The following TEX36 variants were observed in gnomAD, a reference collection of about 807,000 sequenced individuals.
The protein encoded by TEX36 is testis-expressed protein 36.
TEX36 carries 12 observed loss-of-function variants against 13.6 expected under a neutral mutation model. The observed-to-expected ratio is 0.88, with a 90% confidence interval of 0.56 to 1.43. TEX36 has a LOEUF of 1.43. Ranked by LOEUF, TEX36 falls within the 40% of genes most tolerant of loss-of-function variation. The probability of loss-of-function intolerance (pLI) is 0.00; values close to 1 mark genes in which losing one functional copy is unlikely to be tolerated. For synonymous variants in TEX36, 93 were observed against 83.0 expected, an observed-to-expected ratio of 1.12 and a Z score of -0.65; for missense variants, 224 against 228.3, an observed-to-expected ratio of 0.98 and a Z score of 0.12.
intron 1 of TEX36, chr10:125,668,063 A>G: frequency 1.6e-6 from 1 of 631,174 alleles, no homozygotes; most frequent in South Asian, 1.9e-5. Context: ...ATCTCCTAAA[A>G]TAACTGAGAG....
downstream of TEX36, among the ~76,000 whole-genome samples, chr10:125,618,160 G>A (rs1846382232): frequency 2.0e-5 from 3 of 151,986 alleles, no homozygotes; most frequent in Non-Finnish European, 2.9e-5. Flanking sequence ...GCACTTCTCT[G>A]TATTGGTTAT....
At chr10:125,674,434 C>T (rs180759448) in intron 1 of TEX36, among the ~76,000 whole-genome samples, 1 of 152,324 alleles carries the variant, frequency 6.6e-6, no homozygotes, top group Non-Finnish European at 1.5e-5. Flanking sequence ...ATTCATCCAT[C>T]TCAGCTTCTG....
At chr10:125,604,044 C>T (rs1846182667) in intron 3 of TEX36, among the ~76,000 whole-genome samples, 1 of 152,102 alleles carries the variant, frequency 6.6e-6, no homozygotes, top group South Asian at 2.1e-4. Context: ...AGCAATGAGC[C>T]TAGGATGAGG....
intron 3 of TEX36, chr10:125,576,887 G>A: frequency 6.5e-7 from 1 of 1,536,064 alleles, no homozygotes. Flanking sequence ...GTGAGGAAGA[G>A]GGAAGATGTA....
At chr10:125,646,165 T>G (rs1014785027) in intron 3 of TEX36, among the ~76,000 whole-genome samples, 1 of 151,878 alleles carries the variant, frequency 6.6e-6, no homozygotes, top group East Asian at 1.9e-4. Context: ...CTGTCTCCAC[T>G]AAAAATACAA....
intron 3 of TEX36, among the ~76,000 whole-genome samples, chr10:125,588,604 T>G (rs980256947): frequency 3.3e-5 from 5 of 149,520 alleles, no homozygotes; most frequent in Non-Finnish European, 7.4e-5. Context: ...TTTGTTTGTT[T>G]GTTTGTTTGT....
chr10:125,601,473 A>G (rs115892785), intron 3 of TEX36, among the ~76,000 whole-genome samples: 2,357 of 152,366 alleles, frequency 0.015, 62 homozygotes, highest in African/African-American at 0.049. Context: ...CAGTGAAGAT[A>G]ATTCAAGAAT....
rs554948612 is a variant in TEX36, at chr10:125,605,564, A to C, written c.265-28690T>G. Among the ~76,000 whole-genome samples the C allele has an allele frequency of 2.0e-5, 3 of 152,314 alleles. No homozygotes were observed. In the South Asian group the frequency reaches 6.2e-4, roughly 32 times the overall value. On this transcript the variant is annotated intron_variant, in intron 3 of 3. Transcript: ENST00000532135. ...CAAAAAAGAGTGAAGGAATGAATGAAGAAACTTTCTGGGTCCAAGATGTTT... is the reference window on the plus strand; with the variant it reads ...CAAAAAAGAGTGAAGGAATGAATGACGAAACTTTCTGGGTCCAAGATGTTT...
intron 3 of TEX36, among the ~76,000 whole-genome samples, chr10:125,648,753 A>G (rs988374277): frequency 3.9e-5 from 6 of 152,138 alleles, no homozygotes; most frequent in African/African-American, 1.4e-4. Flanking sequence ...GAAGCTAAAA[A>G]CCTTGAAAAA....
downstream of TEX36, among the ~76,000 whole-genome samples, chr10:125,620,541 C>T (rs932212390): frequency 2.6e-5 from 4 of 152,188 alleles, no homozygotes; most frequent in Non-Finnish European, 5.9e-5. Context: ...GTCAAGGACT[C>T]ACAACACACC....
At chr10:125,595,463 T>G (rs1846070651) in intron 3 of TEX36, among the ~76,000 whole-genome samples, 1 of 152,194 alleles carries the variant, frequency 6.6e-6, no homozygotes, top group South Asian at 2.1e-4. Flanking sequence ...CCAATTAGTT[T>G]TTCTCCTCTT....
chr10:125,677,829 G>T (rs929112206), intron 1 of TEX36, among the ~76,000 whole-genome samples: 1 of 152,056 alleles, frequency 6.6e-6, no homozygotes, highest in Non-Finnish European at 1.5e-5. Context: ...TTACAGGCAT[G>T]CACCATCATG....
intron 3 of TEX36, among the ~76,000 whole-genome samples, chr10:125,631,258 T>C (rs1162353239): frequency 6.6e-6 from 1 of 152,200 alleles, no homozygotes; most frequent in African/African-American, 2.4e-5. Context: ...ATCTCAAGTC[T>C]TAATTCAGAT....
At chr10:125,653,236 C>G (rs530038853), downstream of TEX36, among the ~76,000 whole-genome samples, 172 of 152,168 alleles carry the variant, frequency 1.1e-3, no homozygotes, top group Middle Eastern at 0.01. Flanking sequence ...TGGAACCAAC[C>G]CAAATGTCCA....
chr10:125,675,869 T>C (rs1209485106), intron 1 of TEX36, among the ~76,000 whole-genome samples: 1 of 152,220 alleles, frequency 6.6e-6, no homozygotes. Flanking sequence ...AATTTCTTCA[T>C]TGACCCAGGG....
At chr10:125,636,490 G>C (rs893886714) in intron 3 of TEX36, among the ~76,000 whole-genome samples, 1 of 151,778 alleles carries the variant, frequency 6.6e-6, no homozygotes, top group Non-Finnish European at 1.5e-5. Flanking sequence ...CTAGGATTAC[G>C]GGCGTGAGCC....
At chr10:125,648,350 T>TCAGA (rs1332256272) in intron 3 of TEX36, among the ~76,000 whole-genome samples, 14 of 152,204 alleles carry the variant, frequency 9.2e-5, no homozygotes, top group Admixed American at 4.6e-4. Flanking sequence ...TCTGCAATAT[T>TCAGA]TGCTGTTCTG....
intron 1 of TEX36, among the ~76,000 whole-genome samples, chr10:125,670,888 A>T (rs1368633096): frequency 6.6e-6 from 1 of 151,834 alleles, no homozygotes; most frequent in Non-Finnish European, 1.5e-5. Context: ...TGAAGATCAG[A>T]TGGTTGTAGA....
intron 3 of TEX36, among the ~76,000 whole-genome samples, chr10:125,644,908 T>C (rs565894576): frequency 6.6e-6 from 1 of 152,288 alleles, no homozygotes; most frequent in Non-Finnish European, 1.5e-5. Flanking sequence ...GGCATTCCAC[T>C]CAAGGTTTTC....
Sources: allele counts gnomAD v4.1 joint callset (sites outside exome capture counted in the v4.1 genomes callset), GRCh38; gene constraint gnomAD v4.1.1; transcripts MANE v1.5; gene names NCBI Gene and HGNC (gene_info 2026-07-23, HGNC 2026-07-21).